Variants in PROX2 observed in about 807,000 individuals in gnomAD.
The protein encoded by PROX2 is prospero homeobox 2, also known as prospero homeobox protein 2.
In PROX2, 46 loss-of-function variants were observed where a neutral mutation model predicts 48.9. The observed-to-expected ratio is 0.94, with a 90% CI of 0.74 to 1.20. The LOEUF (loss-of-function observed/expected upper bound fraction) is 1.20, where lower values mean the gene tolerates loss of function less well. Ranked by LOEUF, PROX2 falls within the 50% of genes most tolerant of loss-of-function variation. The pLI is 0.00. For synonymous variants in PROX2, 260 were observed against 276.6 expected (o/e 0.94, Z 0.60); for missense variants, 663 against 719.4 (o/e 0.92, Z 0.90).
rs2091747516 is a variant in PROX2, at chr14:74,856,908, G to A, written c.1501C>T (p.Gln501Ter). The A allele has an allele frequency of 3.7e-6, 6 of 1,614,002 alleles. No individual in the cohort carries two copies. Among genetic ancestry groups the A allele is most frequent in the Non-Finnish European group, 5.1e-6 (6 of 1,179,886 alleles). Residue 501 changes from glutamine (Q) to a stop codon, truncating the protein, a stop_gained, in exon 5 of 6, where the codon CAA becomes TAA. Transcript: ENST00000556489. LOFTEE classifies it high-confidence loss of function. ...TTTGTGACACCATCTGAAATTGCTTGCCGGGCAGATTTTTCCATTTGGATG... is the reference window on the plus strand; with the variant it reads ...TTTGTGACACCATCTGAAATTGCTTACCGGGCAGATTTTTCCATTTGGATG... Reference protein sequence around the residue: ...YYIQMEKSARQAISDGVTNPK... With the variant: ...YYIQMEKSAR
intron 5 of PROX2, chr14:74,856,455 C>T (rs969176472): frequency 1.4e-5 from 3 of 210,352 alleles, no homozygotes; most frequent in African/African-American, 6.8e-5. Flanking sequence ...GGTGCCACAA[C>T]TGAGCTCAGC....
Position 74,862,727 on chromosome 14 carries a change from G to C in PROX2, c.1108C>G (p.Gln370Glu), listed in dbSNP as rs2091805707. The change falls in exon 3 of 6, where the codon CAG (glutamine) becomes GAG (glutamate). Residue 370 changes from glutamine to glutamate, a missense_variant. Transcript: ENST00000556489. ...GCAGGCTCTGAGGAGGGGTGCCTCTGGGAAGATGAGTCCTGGGGAGGACTG... is the reference window on the plus strand; with the variant it reads ...GCAGGCTCTGAGGAGGGGTGCCTCTCGGAAGATGAGTCCTGGGGAGGACTG... ...SSSPPQDSSS[Q>E]RHPSSEPALR... 6.2e-7 allele frequency: 1 copy of C among 1,613,854 alleles called. No individual in the cohort carries two copies. The highest frequency in any genetic ancestry group is 8.5e-7 in the Non-Finnish European group (1 of 1,179,872).
intron 2 of PROX2, among the ~76,000 whole-genome samples, chr14:74,868,993 A>G (rs994477815): frequency 1.3e-5 from 2 of 152,196 alleles, no homozygotes; most frequent in East Asian, 1.9e-4. Context: ...CATAATATCT[A>G]TGGTTATTGT....
intron 2 of PROX2, among the ~76,000 whole-genome samples, chr14:74,867,219 G>A (rs1883085952): frequency 6.6e-6 from 1 of 152,160 alleles, no homozygotes; most frequent in Admixed American, 6.5e-5. Context: ...AGATGTCTCA[G>A]CTCTTCACAA....
At chr14:74,855,590 C>A in intron 5 of PROX2, 1 of 276,438 alleles carries the variant, frequency 3.6e-6, no homozygotes. Context: ...CTAAGCAGGT[C>A]AGAAAATCTT....
intron 1 of PROX2, chr14:74,873,985 A>G (rs563382321): frequency 1.8e-5 from 9 of 502,870 alleles, no homozygotes; most frequent in African/African-American, 1.8e-4. Flanking sequence ...GAGTTAACAA[A>G]TATTGACATG....
intron 4 of PROX2, 25 bp downstream of exon 4, chr14:74,858,382 C>T: frequency 7.1e-7 from 1 of 1,414,352 alleles, no homozygotes; most frequent in Non-Finnish European, 9.8e-7. Flanking sequence ...TCTGCAGAAG[C>T]TGCCATTTAG....
Position 74,858,491 on chromosome 14 carries a change from AC to A in PROX2, c.1328del (p.Gly443ValfsTer3). 1 of 1,578,260 alleles carries A rather than the reference AC, an allele frequency of 6.3e-7. No homozygotes were observed. The highest frequency in any genetic ancestry group is 8.6e-7 in the Non-Finnish European group (1 of 1,160,168). On this transcript the variant is annotated frameshift_variant, in exon 4 of 6. Coordinates refer to ENST00000556489, the MANE Select transcript of PROX2 (RefSeq NM_001243007.2). LOFTEE classifies it high-confidence loss of function. ...ACATTAGTTTGGCCTTCTTCAAGTG[AC>A]CAGGGTTTAGACCCTCCTGGATTTA... The part of the protein sequence containing the change: ...LVHIQEGLNP[G>X]HLKKAKLMFF...
chr14:74,870,824 G>A (rs1246046936), intron 2 of PROX2, among the ~76,000 whole-genome samples: 1 of 152,170 alleles, frequency 6.6e-6, no homozygotes, highest in African/African-American at 2.4e-5. Flanking sequence ...TGGATTGCCT[G>A]AGGTCAGGAG....
In PROX2 at chr14:74,857,351, G is replaced by A. The variant is rs149517252; in HGVS notation, c.1414-356C>T. 8.8e-3 allele frequency: 1,594 copies of A among 180,292 alleles called. 17 individuals are homozygous for A. Among genetic ancestry groups the A allele is most frequent in the Middle Eastern group, 0.042 (18 of 428 alleles). 11.2% of individuals were successfully genotyped at this position (180,292 alleles called of 1,614,324 possible). ...CCCAGGTGGACTGCATGGCAGGCCT[G>A]GGGCCTTCCACTTGGATAAAGGGCC... On this transcript the variant is annotated intron_variant, in intron 4 of 5. Transcript: ENST00000556489.
At chr14:74,870,441 T>C (rs79157406) in intron 2 of PROX2, among the ~76,000 whole-genome samples, 1,347 of 110,748 alleles carry the variant, frequency 0.012, 60 homozygotes, top group African/African-American at 0.045. Context: ...AAAAAAAAAA[T>C]ACACACACAC....
At chr14:74,875,012 G>T (rs1158497553) in intron 1 of PROX2, among the ~76,000 whole-genome samples, 2 of 152,110 alleles carry the variant, frequency 1.3e-5, no homozygotes, top group Non-Finnish European at 2.9e-5. Context: ...GGGCGTGGTG[G>T]TGCATGCCTG....
At chr14:74,873,965 G>C in intron 1 of PROX2, 2 of 491,088 alleles carry the variant, frequency 4.1e-6, no homozygotes, top group South Asian at 3.0e-5. Flanking sequence ...ATAGGAATGT[G>C]GAAGAGTTTG....
In PROX2 at chr14:74,856,791, A is replaced by T. The variant is rs761256607; in HGVS notation, c.1608+10T>A. On this transcript the variant is annotated intron_variant, in intron 5 of 5. Transcript: ENST00000556489. ...ATCAGATCTCATGGGAACCCAGTAC[A>T]TGGTCTTACCTCAAAGTCATTTCCC... 1.4e-5 allele frequency: 22 copies of T among 1,611,088 alleles called. No individual in the cohort carries two copies.
At chr14:74,875,774 A>G (rs1883328617) in intron 1 of PROX2, among the ~76,000 whole-genome samples, 121 bp downstream of exon 1, 1 of 152,240 alleles carries the variant, frequency 6.6e-6, no homozygotes, top group Admixed American at 6.5e-5. Flanking sequence ...TGATGAGTAT[A>G]GGGGTGGGTA....
Position 74,855,311 on chromosome 14 carries a change from C to G in PROX2, c.1609-9G>C, listed in dbSNP as rs748359604. 3.9e-6 allele frequency: 6 copies of G among 1,533,576 alleles called. No homozygotes were observed. Among genetic ancestry groups the G allele is most frequent in the Non-Finnish European group, 5.3e-6 (6 of 1,130,598 alleles). The allele number at this position is 1,533,576 out of a possible 1,614,324, so 95.0% of individuals were successfully genotyped here. Reference sequence around the variant, plus strand: ...AAGAAGCAATCTGGAACCTGCATTTCCAAAGAGACCCACAAGAAAGAAAAG... The same window carrying G: ...AAGAAGCAATCTGGAACCTGCATTTGCAAAGAGACCCACAAGAAAGAAAAG... On this transcript the variant is annotated splice_polypyrimidine_tract_variant and intron_variant, in intron 5 of 5. Transcript: ENST00000556489.
intron 3 of PROX2, chr14:74,858,915 A>C (rs2091773469): frequency 6.4e-6 from 1 of 157,256 alleles, no homozygotes; most frequent in African/African-American, 2.5e-5. Context: ...AAGAGATGGC[A>C]ATTCTATCCC....
intron 2 of PROX2, among the ~76,000 whole-genome samples, chr14:74,866,965 G>A (rs1182840242): frequency 6.6e-6 from 1 of 152,168 alleles, no homozygotes; most frequent in Non-Finnish European, 1.5e-5. Context: ...TGCACACAAG[G>A]AGGGATTGAC....
At chr14:74,861,029 G>A (rs1358930223) in intron 3 of PROX2, among the ~76,000 whole-genome samples, 1 of 152,174 alleles carries the variant, frequency 6.6e-6, no homozygotes, top group Non-Finnish European at 1.5e-5. Context: ...TCTCAGCATT[G>A]GTTTTACAGT....
Sources: allele counts gnomAD v4.1 joint callset (sites outside exome capture counted in the v4.1 genomes callset), GRCh38; gene constraint gnomAD v4.1.1; transcripts MANE v1.5; gene names NCBI Gene and HGNC (gene_info 2026-07-23, HGNC 2026-07-21).